The following MKRN2OS variants were observed in gnomAD, a reference collection of about 807,000 sequenced individuals.
The protein encoded by MKRN2OS is MKRN2 opposite strand protein.
Under a neutral mutation model 18.2 loss-of-function variants are expected in MKRN2OS, and 17 were observed. That is an observed-to-expected ratio of 0.93 (90% CI 0.64 to 1.40). The LOEUF (loss-of-function observed/expected upper bound fraction) is 1.40, where lower values mean the gene tolerates loss of function less well. Among genes scored for constraint, MKRN2OS ranks in the 40% most tolerant of loss-of-function variants. MKRN2OS has a pLI of 0.00. For missense variants in MKRN2OS, 337 were observed against 283.0 expected (o/e 1.19, Z -1.37); for synonymous variants, 121 against 108.5 (o/e 1.12, Z -0.72).
chr3:12,541,089 T>C (rs1174600788), intron 3 of MKRN2OS, among the ~76,000 whole-genome samples: 3 of 151,986 alleles, frequency 2.0e-5, no homozygotes, highest in Admixed American at 6.6e-5. Flanking sequence ...TCTAAACTTA[T>C]TTCGGGGGAA....
At chr3:12,547,234 A>G (rs1225749262), upstream of MKRN2OS, among the ~76,000 whole-genome samples, 1 of 152,210 alleles carries the variant, frequency 6.6e-6, no homozygotes, top group Admixed American at 6.5e-5. Flanking sequence ...AATTAATGGT[A>G]TGTTAGATTC....
At chr3:12,554,673 A>G (rs1275259146) in intron 1 of MKRN2OS, among the ~76,000 whole-genome samples, 1 of 152,146 alleles carries the variant, frequency 6.6e-6, no homozygotes, top group Non-Finnish European at 1.5e-5. Context: ...GTTCTACGAA[A>G]GGAGGAAGAG....
intron 1 of MKRN2OS, 69 bp downstream of exon 1, chr3:12,545,178 A>C: frequency 7.8e-7 from 1 of 1,280,052 alleles, no homozygotes; most frequent in Non-Finnish European, 1.0e-6. Context: ...TAAGAAAAGG[A>C]AACTTTAGTG....
At chr3:12,551,155 C>T (rs1417947076), downstream of MKRN2OS, among the ~76,000 whole-genome samples, 1 of 146,044 alleles carries the variant, frequency 6.8e-6, no homozygotes, top group African/African-American at 2.5e-5. Context: ...CCAAGACCCA[C>T]AAAATGAGCA....
chr3:12,553,863 T>C (rs539194243), exon 2 of MKRN2OS: 1 of 152,322 alleles, frequency 6.6e-6, no homozygotes, highest in Non-Finnish European at 1.5e-5. Flanking sequence ...TATTTCTATA[T>C]ATAAGCAACA....
chr3:12,553,352 G>A (rs930373575), downstream of MKRN2OS, among the ~76,000 whole-genome samples: 1 of 151,838 alleles, frequency 6.6e-6, no homozygotes, highest in African/African-American at 2.4e-5. Context: ...ATTGGGTAGG[G>A]TTAACATTAA....
At chr3:12,546,070 G>T (rs972872937), upstream of MKRN2OS, among the ~76,000 whole-genome samples, 1 of 152,116 alleles carries the variant, frequency 6.6e-6, no homozygotes, top group Non-Finnish European at 1.5e-5. Context: ...GGAATTACAC[G>T]CATGAGCCAC....
At chr3:12,552,020 G>C (rs763812636), downstream of MKRN2OS, among the ~76,000 whole-genome samples, 2 of 150,888 alleles carry the variant, frequency 1.3e-5, no homozygotes, top group Non-Finnish European at 3.0e-5. Flanking sequence ...TAAATGCTCC[G>C]ATACAAAAAA....
upstream of MKRN2OS, among the ~76,000 whole-genome samples, chr3:12,548,679 C>T (rs1444932335): frequency 6.6e-6 from 1 of 152,124 alleles, no homozygotes; most frequent in Non-Finnish European, 1.5e-5. Flanking sequence ...TAGGTTGCTT[C>T]AGTGACCCAA....
At chr3:12,557,137 T>G in intron 1 of MKRN2OS, 1 of 1,508,032 alleles carries the variant, frequency 6.6e-7, no homozygotes, top group Non-Finnish European at 8.8e-7. Flanking sequence ...CGACGGTCCC[T>G]CAGCCCAGCC....
intron 1 of MKRN2OS, among the ~76,000 whole-genome samples, chr3:12,558,964 C>T (rs1239698642): frequency 6.6e-6 from 1 of 152,276 alleles, no homozygotes; most frequent in Non-Finnish European, 1.5e-5. Context: ...CATTTAGCTT[C>T]CAAGTGACAG....
chr3:12,542,781 A>G (rs2057833695), intron 2 of MKRN2OS, among the ~76,000 whole-genome samples: 1 of 151,862 alleles, frequency 6.6e-6, no homozygotes, highest in Non-Finnish European at 1.5e-5. Context: ...CGTCCCTAGA[A>G]TGTGGGGACC....
At chr3:12,555,751 C>T (rs187439176) in intron 1 of MKRN2OS, among the ~76,000 whole-genome samples, 1 of 152,294 alleles carries the variant, frequency 6.6e-6, no homozygotes, top group East Asian at 1.9e-4. Context: ...AATATCCAGC[C>T]CCCACCCACC....
chr3:12,542,099 C>G, intron 2 of MKRN2OS, 77 bp from the exon 3 acceptor site: 1 of 1,403,034 alleles, frequency 7.1e-7, no homozygotes, highest in Non-Finnish European at 9.5e-7. Context: ...CAGAAAATGA[C>G]AGTAGCCATG....
At chr3:12,558,323 A>C (rs902182246) in intron 1 of MKRN2OS, among the ~76,000 whole-genome samples, 5 of 152,180 alleles carry the variant, frequency 3.3e-5, no homozygotes, top group African/African-American at 9.6e-5. Flanking sequence ...TATTTGTACT[A>C]GAAGGTGTTT....
downstream of MKRN2OS, among the ~76,000 whole-genome samples, chr3:12,551,529 A>G (rs1401689552): frequency 1.3e-5 from 2 of 152,164 alleles, no homozygotes; most frequent in Non-Finnish European, 2.9e-5. Context: ...ATAAAGAAAA[A>G]ACTGTAGAAT....
intron 1 of MKRN2OS, among the ~76,000 whole-genome samples, chr3:12,559,952 G>C (rs892318550): frequency 2.0e-5 from 3 of 152,162 alleles, no homozygotes; most frequent in Non-Finnish European, 2.9e-5. Context: ...TTCTTTGAAA[G>C]TCACAAAACA....
chr3:12,543,072 G>T lies in MKRN2OS; in HGVS notation c.268+108C>A, dbSNP rs182969821. On this transcript the variant is annotated intron_variant, in intron 2 of 3. Coordinates refer to ENST00000564146, the MANE Select transcript of MKRN2OS (RefSeq NM_001195279.2). Reference sequence around the variant, plus strand: ...CCTCATGGTGCAGTACAAGAACCCAGTGAACAATGGAATCACTTATTAGAT... The same window carrying T: ...CCTCATGGTGCAGTACAAGAACCCATTGAACAATGGAATCACTTATTAGAT... 6.6e-6 allele frequency: 6 copies of T among 909,358 alleles called. No homozygotes were observed. In the East Asian group the frequency reaches 8.0e-5, roughly 12 times the overall value. 56.3% of individuals were successfully genotyped at this position (909,358 alleles called of 1,614,324 possible).
At chr3:12,559,956 C>G (rs2058022747) in intron 1 of MKRN2OS, among the ~76,000 whole-genome samples, 1 of 152,130 alleles carries the variant, frequency 6.6e-6, no homozygotes, top group African/African-American at 2.4e-5. Context: ...TTGAAAGTCA[C>G]AAAACATGGG....
Sources: gnomAD v4.1 joint callset for allele counts (sites outside exome capture counted in the v4.1 genomes callset) on GRCh38, gnomAD v4.1.1 for gene constraint, MANE v1.5 for transcripts, NCBI Gene and HGNC (gene_info 2026-07-23, HGNC 2026-07-21) for gene names.